Variants in ADGRB3 observed in about 807,000 individuals in gnomAD.
The protein encoded by ADGRB3 is brain-specific angiogenesis inhibitor 3.
ADGRB3 carries 37 observed loss-of-function variants against 193.4 expected under a neutral mutation model. The observed-to-expected ratio is 0.19, with a 90% CI of 0.15 to 0.25. ADGRB3 has a LOEUF of 0.25. ADGRB3 is among the 10% of genes least tolerant of loss of function. The pLI, the probability that ADGRB3 is intolerant of heterozygous loss-of-function variation, is 1.00. For synonymous variants in ADGRB3, 690 were observed against 644.2 expected (o/e 1.07, Z -1.08); for missense variants, 1,637 against 1,852.9 (o/e 0.88, Z 2.14).
intron 3 of ADGRB3, among the ~76,000 whole-genome samples, chr6:68,664,077 C>T (rs183713347): frequency 2.8e-4 from 43 of 151,688 alleles, no homozygotes; most frequent in Non-Finnish European, 5.0e-4. Flanking sequence ...TGATATTTGT[C>T]GTTTTTAAAA....
intron 3 of ADGRB3, among the ~76,000 whole-genome samples, chr6:68,841,961 A>G (rs1768167732): frequency 1.3e-5 from 2 of 152,046 alleles, no homozygotes; most frequent in African/African-American, 2.4e-5. Flanking sequence ...TTAGCACAAC[A>G]GGATGTCTAT....
chr6:69,387,733 C>T (rs1169015161), intron 31 of ADGRB3, among the ~76,000 whole-genome samples: 2 of 152,038 alleles, frequency 1.3e-5, no homozygotes, highest in Admixed American at 1.3e-4. Context: ...GATTGCCTCT[C>T]TTTCTTTAGC....
intron 28 of ADGRB3, among the ~76,000 whole-genome samples, chr6:69,358,520 A>C (rs1040795373): frequency 2.0e-5 from 3 of 151,662 alleles, no homozygotes; most frequent in African/African-American, 7.3e-5. Flanking sequence ...TAATGTTTTC[A>C]TTTGTTATTG....
At chr6:69,267,809 A>G (rs1767080626) in intron 20 of ADGRB3, among the ~76,000 whole-genome samples, 1 of 152,114 alleles carries the variant, frequency 6.6e-6, no homozygotes, top group African/African-American at 2.4e-5. Context: ...GAGGAGTAAG[A>G]GACTTATGAT....
intron 23 of ADGRB3, chr6:69,332,463 C>T (rs1004276753): frequency 1.0e-6 from 1 of 985,410 alleles, no homozygotes; most frequent in Non-Finnish European, 1.2e-6. Flanking sequence ...TTTAAGCATT[C>T]TGTCCTCTGT....
At chr6:69,008,280 A>G (rs1769831888) in intron 11 of ADGRB3, among the ~76,000 whole-genome samples, 2 of 152,162 alleles carry the variant, frequency 1.3e-5, no homozygotes, top group Admixed American at 1.3e-4. Flanking sequence ...TGTCTTGTTC[A>G]CTATCATATT....
chr6:69,127,814 A>G (rs1321216189), intron 17 of ADGRB3, among the ~76,000 whole-genome samples: 1 of 152,154 alleles, frequency 6.6e-6, no homozygotes, highest in Non-Finnish European at 1.5e-5. Flanking sequence ...AAATGTTAAA[A>G]CTATACTACA....
At chr6:69,052,705 A>G (rs1771434666) in intron 15 of ADGRB3, among the ~76,000 whole-genome samples, 1 of 152,184 alleles carries the variant, frequency 6.6e-6, no homozygotes, top group African/African-American at 2.4e-5. Flanking sequence ...CTTAGCCCTA[A>G]TATACATTCA....
intron 17 of ADGRB3, among the ~76,000 whole-genome samples, chr6:69,106,506 A>G (rs1773220501): frequency 6.6e-6 from 1 of 152,262 alleles, no homozygotes; most frequent in Non-Finnish European, 1.5e-5. Flanking sequence ...ATAAGAAAGT[A>G]AATCACCTTT....
chr6:68,778,146 T>C (rs1766784542), intron 3 of ADGRB3, among the ~76,000 whole-genome samples: 1 of 152,062 alleles, frequency 6.6e-6, no homozygotes, highest in Admixed American at 6.6e-5. Flanking sequence ...TGCCAGCAAA[T>C]GACATTGTCT....
At chr6:69,363,246 A>G (rs1348098736) in intron 29 of ADGRB3, among the ~76,000 whole-genome samples, 1 of 152,030 alleles carries the variant, frequency 6.6e-6, no homozygotes, top group Non-Finnish European at 1.5e-5. Flanking sequence ...TAGAGATCAC[A>G]AGACTTACAT....
In ADGRB3 at chr6:68,653,116, G is replaced by A. The variant is rs547019680; in HGVS notation, c.757+13684G>A. Among the ~76,000 whole-genome samples, 254 of 152,220 alleles carry A rather than the reference G, an allele frequency of 1.7e-3. 1 individual carries two copies. Among genetic ancestry groups the A allele is most frequent in the African/African-American group, 5.9e-3 (246 of 41,552 alleles). On this transcript the variant is annotated intron_variant, in intron 3 of 31. Transcript: ENST00000370598. ...TTATTGCTGGAGTAAGACTGTGAAA[G>A]TGTCTTTGTTTCTAGCATGGATACC...
chr6:68,928,447 A>T (rs955842969), intron 3 of ADGRB3, among the ~76,000 whole-genome samples: 1 of 152,096 alleles, frequency 6.6e-6, no homozygotes, highest in African/African-American at 2.4e-5. Context: ...AAGGGAGAGG[A>T]TCACTTGAGC....
intron 17 of ADGRB3, 28 bp from the exon 18 acceptor site, chr6:69,233,262 T>C: frequency 6.2e-7 from 1 of 1,610,342 alleles, no homozygotes; most frequent in Non-Finnish European, 8.5e-7. Flanking sequence ...TTTATCCCGA[T>C]TTCCTCCCCC....
chr6:69,037,287 A>T (rs541876408), intron 13 of ADGRB3, among the ~76,000 whole-genome samples: 4 of 152,284 alleles, frequency 2.6e-5, no homozygotes, highest in Non-Finnish European at 5.9e-5. Flanking sequence ...GAATTAAAGA[A>T]TCTCAATATT....
At chr6:68,980,907 C>T (rs1273657962) in intron 10 of ADGRB3, among the ~76,000 whole-genome samples, 2 of 151,342 alleles carry the variant, frequency 1.3e-5, no homozygotes, top group African/African-American at 4.8e-5. Context: ...AGTTCTTAAC[C>T]CTGAATCAAT....
At chr6:68,981,117 C>T (rs576058273) in intron 10 of ADGRB3, among the ~76,000 whole-genome samples, 1 of 151,730 alleles carries the variant, frequency 6.6e-6, no homozygotes, top group East Asian at 1.9e-4. Context: ...TAATTCTTGT[C>T]ACCACGCTCC....
At chr6:68,697,225 T>G (rs189086087) in intron 3 of ADGRB3, among the ~76,000 whole-genome samples, 87 of 152,158 alleles carry the variant, frequency 5.7e-4, no homozygotes, top group African/African-American at 2.0e-3. Context: ...CATAAATAAC[T>G]GTTTCATTTC....
intron 29 of ADGRB3, among the ~76,000 whole-genome samples, chr6:69,366,895 G>A (rs758626028): frequency 6.6e-6 from 1 of 151,996 alleles, no homozygotes; most frequent in Admixed American, 6.6e-5. Flanking sequence ...TAGATGCTGC[G>A]GATCTAAATG....
Sources: allele counts gnomAD v4.1 joint callset (sites outside exome capture counted in the v4.1 genomes callset), GRCh38; gene constraint gnomAD v4.1.1; transcripts MANE v1.5; gene names NCBI Gene and HGNC (gene_info 2026-07-23, HGNC 2026-07-21).